The following CACNA2D3 variants were observed in gnomAD, a reference collection of about 807,000 sequenced individuals.
CACNA2D3 encodes the protein voltage-dependent calcium channel subunit alpha-2/delta-3.
In CACNA2D3, 60 loss-of-function variants were observed where a neutral mutation model predicts 160.6. The ratio of observed to expected loss-of-function variants is 0.37; its 90% CI spans 0.30 to 0.46. The LOEUF is 0.46. CACNA2D3 is among the 20% of genes least tolerant of loss of function. The pLI, the probability that CACNA2D3 is intolerant of heterozygous loss-of-function variation, is 1.00. For missense variants in CACNA2D3, 1,205 were observed against 1,365.0 expected (o/e 0.88, Z 1.85); for synonymous variants, 558 against 492.9 (o/e 1.13, Z -1.75).
intron 11 of CACNA2D3, among the ~76,000 whole-genome samples, chr3:54,713,135 C>A (rs1327199584): frequency 6.6e-6 from 1 of 152,162 alleles, no homozygotes; most frequent in Non-Finnish European, 1.5e-5. Context: ...CCCATTATGT[C>A]TTATCATTTA....
At chr3:54,740,068 CAT>C (rs972393880) in intron 11 of CACNA2D3, among the ~76,000 whole-genome samples, 5 of 151,790 alleles carry the variant, frequency 3.3e-5, no homozygotes, top group Admixed American at 6.6e-5. Flanking sequence ...GGATGGGAAA[CAT>C]AAAACAGAAA....
intron 29 of CACNA2D3, among the ~76,000 whole-genome samples, chr3:54,980,907 C>G (rs2107095487): frequency 6.6e-6 from 1 of 152,266 alleles, no homozygotes; most frequent in South Asian, 2.1e-4. Flanking sequence ...CCAAAGATTA[C>G]TAAAGTCACC....
At chr3:54,396,072 A>G (rs1394407203) in intron 4 of CACNA2D3, among the ~76,000 whole-genome samples, 3 of 63,452 alleles carry the variant, frequency 4.7e-5, no homozygotes, top group Non-Finnish European at 8.3e-5. Flanking sequence ...ATTCTCTTTG[A>G]AGCAATTGTG....
chr3:54,472,837 A>C (rs1700758472), intron 4 of CACNA2D3, among the ~76,000 whole-genome samples: 1 of 152,240 alleles, frequency 6.6e-6, no homozygotes, highest in Admixed American at 6.5e-5. Context: ...AAGGGATATG[A>C]AAGACCTCTT....
chr3:54,805,820 T>C lies in CACNA2D3; in HGVS notation c.1381-11033T>C, dbSNP rs1263755054. 1.4e-3 allele frequency among the ~76,000 whole-genome samples: 215 copies of C among 152,240 alleles called. 1 individual carries two copies. Among genetic ancestry groups the C allele is most frequent in the African/African-American group, 5.0e-3 (208 of 41,514 alleles). ...TATCCTCAATCAAATACTGGCAAACTGAATCCAGCAGCACATCAAAAAGCT... is the reference window on the plus strand; with the variant it reads ...TATCCTCAATCAAATACTGGCAAACCGAATCCAGCAGCACATCAAAAAGCT... On this transcript the variant is annotated intron_variant, in intron 13 of 37. Transcript: ENST00000474759.
intron 11 of CACNA2D3, among the ~76,000 whole-genome samples, chr3:54,723,641 T>G (rs1701219102): frequency 6.6e-6 from 1 of 152,104 alleles, no homozygotes; most frequent in South Asian, 2.1e-4. Context: ...GGGGAGAAAA[T>G]TCTCTGACGC....
In CACNA2D3 at chr3:54,321,314, C is replaced by T. The variant is rs530605846; in HGVS notation, c.321+756C>T. Among the ~76,000 whole-genome samples the T allele has an allele frequency of 5.8e-5, 6 of 103,654 alleles. No homozygotes were observed. In the East Asian group the frequency reaches 1.5e-3, roughly 26 times the overall value. The allele number at this position is 103,654 out of a possible 152,430, so 68.0% of individuals were successfully genotyped here. ...CAGCCTGGGTGACAGCGTGAGACTC[C>T]GGCTCAAAAAAAAAAAAAAGTTTTT... is the stretch of plus-strand genomic sequence containing the variant. On this transcript the variant is annotated intron_variant, in intron 3 of 37. Transcript: ENST00000474759.
intron 5 of CACNA2D3, among the ~76,000 whole-genome samples, chr3:54,505,803 G>A (rs887100293): frequency 6.6e-6 from 1 of 152,176 alleles, no homozygotes; most frequent in Non-Finnish European, 1.5e-5. Context: ...TAGCTTTAAA[G>A]GCATAATTGT....
At chr3:54,503,857 G>C (rs2106946473) in intron 5 of CACNA2D3, among the ~76,000 whole-genome samples, 1 of 152,270 alleles carries the variant, frequency 6.6e-6, no homozygotes, top group Middle Eastern at 3.4e-3. Context: ...TGTTTCTCTG[G>C]CTGGTTGTTT....
intron 5 of CACNA2D3, among the ~76,000 whole-genome samples, chr3:54,539,170 A>C (rs900718124): frequency 6.6e-6 from 1 of 152,194 alleles, no homozygotes; most frequent in African/African-American, 2.4e-5. Context: ...AGGGTCACCT[A>C]GGGCAAATTA....
intron 2 of CACNA2D3, among the ~76,000 whole-genome samples, chr3:54,233,307 TAGAC>T (rs573846445): frequency 2.6e-5 from 4 of 152,274 alleles, no homozygotes; most frequent in Non-Finnish European, 5.9e-5. Context: ...GAATGAATGA[TAGAC>T]AGATCCATTA....
chr3:54,996,547 C>T (rs566701378), intron 31 of CACNA2D3, among the ~76,000 whole-genome samples: 4 of 152,274 alleles, frequency 2.6e-5, no homozygotes, highest in Admixed American at 6.5e-5. Context: ...GTTTGTTGGT[C>T]TCCCCAGGGC....
chr3:55,050,372 T>C (rs1704172660), intron 35 of CACNA2D3, among the ~76,000 whole-genome samples: 1 of 152,012 alleles, frequency 6.6e-6, no homozygotes, highest in Admixed American at 6.5e-5. Context: ...AAGCTTAGTT[T>C]GGCTGGATAT....
At chr3:54,788,897 C>T (rs1357123456) in intron 13 of CACNA2D3, among the ~76,000 whole-genome samples, 1 of 152,120 alleles carries the variant, frequency 6.6e-6, no homozygotes, top group African/African-American at 2.4e-5. Context: ...TAAAATATTT[C>T]TCCAGAAATT....
chr3:54,184,623 A>G (rs116687342), intron 2 of CACNA2D3, among the ~76,000 whole-genome samples: 7,529 of 152,294 alleles, frequency 0.049, 251 homozygotes, highest in Middle Eastern at 0.099. Flanking sequence ...GAAATGGGCC[A>G]TCCCATGGGG....
intron 13 of CACNA2D3, among the ~76,000 whole-genome samples, chr3:54,784,751 C>A (rs543716700): frequency 6.6e-6 from 1 of 152,144 alleles, no homozygotes; most frequent in Non-Finnish European, 1.5e-5. Flanking sequence ...GAAGAGGGAG[C>A]AGCAGACTTC....
At chr3:54,817,861 A>G (rs1035253553) in intron 14 of CACNA2D3, among the ~76,000 whole-genome samples, 4 of 152,220 alleles carry the variant, frequency 2.6e-5, no homozygotes, top group Non-Finnish European at 4.4e-5. Context: ...GGCTTGTGGT[A>G]ATGTTTGATT....
At chr3:54,880,897 T>C (rs1300885276) in intron 21 of CACNA2D3, 34 bp downstream of exon 21, 2 of 1,594,046 alleles carry the variant, frequency 1.3e-6, no homozygotes, top group Non-Finnish European at 1.7e-6. Context: ...TATCCTTTGG[T>C]GTGGGAGGAA....
intron 11 of CACNA2D3, among the ~76,000 whole-genome samples, chr3:54,688,979 CAAAAAAAA>C (rs1162900126): frequency 0.013 from 419 of 31,414 alleles, 18 homozygotes; most frequent in African/African-American, 0.044. Context: ...GAGACTGTCT[CAAAAAAAA>C]AAAAAAAAAA....
Sources: gnomAD v4.1 joint callset for allele counts (sites outside exome capture counted in the v4.1 genomes callset) on GRCh38, gnomAD v4.1.1 for gene constraint, MANE v1.5 for transcripts, NCBI Gene and HGNC (gene_info 2026-07-23, HGNC 2026-07-21) for gene names.